Variants in COG6 observed in about 807,000 individuals in gnomAD.
COG6 encodes the protein conserved oligomeric Golgi complex subunit 6.
In COG6, 74 loss-of-function variants were observed where a neutral mutation model predicts 88.8. The ratio of observed to expected loss-of-function variants is 0.83; its 90% confidence interval spans 0.69 to 1.01. COG6 has a LOEUF of 1.01. COG6 is among the 50% of genes least tolerant of loss of function. The pLI is 0.00. For synonymous variants in COG6, 286 were observed against 278.7 expected (o/e 1.03, Z -0.26); for missense variants, 800 against 797.9 (o/e 1.00, Z -0.03).
At chr13:39,658,382 A>G (rs922691743) in intron 1 of COG6, among the ~76,000 whole-genome samples, 3 of 151,796 alleles carry the variant, frequency 2.0e-5, no homozygotes, top group East Asian at 1.9e-4. Flanking sequence ...GCATCAAACT[A>G]TCCTCCCAAC....
intron 4 of COG6, among the ~76,000 whole-genome samples, chr13:39,668,405 C>T (rs1875401636): frequency 6.6e-6 from 1 of 152,136 alleles, no homozygotes; most frequent in Non-Finnish European, 1.5e-5. Flanking sequence ...TTAATTCTCT[C>T]ATCTCCTAAC....
chr13:39,770,105 G>C (rs1200422307), intron 18 of COG6, among the ~76,000 whole-genome samples: 1 of 152,206 alleles, frequency 6.6e-6, no homozygotes, highest in African/African-American at 2.4e-5. Context: ...TCAATATCGG[G>C]AAGTGAAAAT....
At chr13:39,702,275 A>C (rs1457356342) in intron 13 of COG6, among the ~76,000 whole-genome samples, 2 of 152,040 alleles carry the variant, frequency 1.3e-5, no homozygotes, top group Admixed American at 1.3e-4. Flanking sequence ...TCTCCAGAAC[A>C]TGAAAAAATA....
At chr13:39,700,121 C>G (rs1446622104) in intron 13 of COG6, among the ~76,000 whole-genome samples, 1 of 151,798 alleles carries the variant, frequency 6.6e-6, no homozygotes, top group Non-Finnish European at 1.5e-5. Flanking sequence ...CCTGTAAGAT[C>G]TAATATCTTA....
rs746634520 is a variant in COG6, at chr13:39,655,665, C to G, written c.-62C>G. 6.5e-7 allele frequency: 1 copy of G among 1,536,860 alleles called. No individual in the cohort carries two copies. Among genetic ancestry groups the G allele is most frequent in the Non-Finnish European group, 8.8e-7 (1 of 1,134,956 alleles). ...GGCCGATTTGCACATGCGCAATACT[C>G]GCGCTGCCTCCGTGGTCCCTGCCTG... On this transcript the variant is annotated 5_prime_UTR_variant, in exon 1 of 19. Coordinates refer to ENST00000455146, the MANE Select transcript of COG6 (RefSeq NM_020751.3).
intron 18 of COG6, among the ~76,000 whole-genome samples, chr13:39,773,871 C>CT (rs5803011): frequency 0.29 from 41,739 of 144,638 alleles, 6,174 homozygotes; most frequent in African/African-American, 0.37. Context: ...GACATTTTTG[C>CT]TTTTTTTTTT....
At chr13:39,699,058 T>C (rs1043879973) in intron 12 of COG6, among the ~76,000 whole-genome samples, 7 of 151,994 alleles carry the variant, frequency 4.6e-5, no homozygotes, top group African/African-American at 1.7e-4. Context: ...GTTATTGATA[T>C]AGTATAACAG....
At chr13:39,719,968 C>A in intron 15 of COG6, 141 bp downstream of exon 15, 4 of 623,658 alleles carry the variant, frequency 6.4e-6, no homozygotes, top group Non-Finnish European at 5.8e-6. Flanking sequence ...GACACACATG[C>A]ATATACACAA....
intron 18 of COG6, among the ~76,000 whole-genome samples, chr13:39,765,600 G>A (rs1204375034): frequency 6.6e-6 from 1 of 152,152 alleles, no homozygotes; most frequent in Non-Finnish European, 1.5e-5. Flanking sequence ...GGTGTTTTAA[G>A]ATAAAATGTG....
chr13:39,745,581 G>A (rs1880297763), intron 18 of COG6, among the ~76,000 whole-genome samples: 2 of 152,156 alleles, frequency 1.3e-5, no homozygotes, highest in Admixed American at 1.3e-4. Flanking sequence ...TAAAAAGTCA[G>A]GAAACAACGG....
At chr13:39,716,491 C>T (rs898540823) in intron 13 of COG6, among the ~76,000 whole-genome samples, 2 of 151,818 alleles carry the variant, frequency 1.3e-5, no homozygotes, top group African/African-American at 2.4e-5. Context: ...TCCATTTACA[C>T]TTAATTTAAT....
chr13:39,748,853 A>G (rs980005989), intron 18 of COG6, among the ~76,000 whole-genome samples: 3 of 152,150 alleles, frequency 2.0e-5, no homozygotes, highest in Non-Finnish European at 4.4e-5. Context: ...ACCCCATTAG[A>G]ACAGTGTACA....
At chr13:39,673,393 C>G (rs1158033020) in intron 4 of COG6, among the ~76,000 whole-genome samples, 3 of 151,916 alleles carry the variant, frequency 2.0e-5, no homozygotes, top group African/African-American at 7.2e-5. Flanking sequence ...GACAAGAAAA[C>G]AACCTCATTA....
intron 6 of COG6, 152 bp from the exon 7 acceptor site, chr13:39,679,823 A>G: frequency 1.5e-6 from 1 of 678,078 alleles, no homozygotes; most frequent in African/African-American, 1.8e-5. Flanking sequence ...AAAATGTGAC[A>G]TTTATTTAAT....
chr13:39,764,676 G>A (rs1180065103), intron 18 of COG6, among the ~76,000 whole-genome samples: 1 of 151,798 alleles, frequency 6.6e-6, no homozygotes, highest in Non-Finnish European at 1.5e-5. Context: ...ATGTTTTCTG[G>A]TTATTTTTAT....
chr13:39,709,146 A>G (rs1387421885), intron 13 of COG6, among the ~76,000 whole-genome samples: 1 of 152,202 alleles, frequency 6.6e-6, no homozygotes, highest in African/African-American at 2.4e-5. Flanking sequence ...ACAAAGAATT[A>G]CGGCACAGTC....
downstream of COG6, among the ~76,000 whole-genome samples, chr13:39,754,267 C>A (rs143253180): frequency 1.4e-4 from 22 of 152,114 alleles, no homozygotes; most frequent in East Asian, 4.2e-3. Flanking sequence ...CTTTTCTATC[C>A]AGAATAATGT....
Position 39,665,159 on chromosome 13 carries a change from G to A in COG6, c.428+5G>A. On this transcript the variant is annotated splice_donor_5th_base_variant and intron_variant, in intron 4 of 18. Coordinates refer to ENST00000455146, the MANE Select transcript of COG6 (RefSeq NM_020751.3). ...CACTAAGCTTCAATCTGAAAGGTAA[G>A]TTTTTCTTCATACAACCACCTTTTC... 1 of 1,484,466 alleles carries A rather than the reference G, an allele frequency of 6.7e-7. No homozygotes were observed. Among genetic ancestry groups the A allele is most frequent in the South Asian group, 1.1e-5 (1 of 87,704 alleles). The allele number at this position is 1,484,466 out of a possible 1,614,324, so 92.0% of individuals were successfully genotyped here.
At chr13:39,777,261 G>A (rs1309456845) in intron 18 of COG6, among the ~76,000 whole-genome samples, 1 of 152,112 alleles carries the variant, frequency 6.6e-6, no homozygotes, top group Non-Finnish European at 1.5e-5. Flanking sequence ...GAGTCATCCT[G>A]GAGCACAGAG....
Sources: allele counts gnomAD v4.1 joint callset (sites outside exome capture counted in the v4.1 genomes callset), GRCh38; gene constraint gnomAD v4.1.1; transcripts MANE v1.5; gene names NCBI Gene and HGNC (gene_info 2026-07-23, HGNC 2026-07-21).